The following RANBP17 variants were observed in gnomAD, a reference collection of about 807,000 sequenced individuals.
The protein encoded by RANBP17 is ran-binding protein 17.
A neutral mutation model predicts 141.2 loss-of-function variants in RANBP17; 158 were observed. The observed-to-expected ratio is 1.12, with a 90% CI of 0.98 to 1.28. RANBP17 has a LOEUF of 1.28. Ranked by LOEUF, RANBP17 falls within the 50% of genes most tolerant of loss-of-function variation. RANBP17 has a pLI of 0.00. For missense variants in RANBP17, 1,438 were observed against 1,290.7 expected (o/e 1.11, Z -1.75); for synonymous variants, 430 against 450.0 (o/e 0.96, Z 0.56).
chr5:171,066,284 A>C (rs1784308452), intron 14 of RANBP17, among the ~76,000 whole-genome samples: 1 of 151,978 alleles, frequency 6.6e-6, no homozygotes, highest in South Asian at 2.1e-4. Context: ...CTCCTATCCC[A>C]CTGGAATTTT....
chr5:170,890,785 G>A (rs1455187218), intron 3 of RANBP17, among the ~76,000 whole-genome samples: 1 of 152,056 alleles, frequency 6.6e-6, no homozygotes, highest in African/African-American at 2.4e-5. Context: ...AACAGTTTTG[G>A]TGTATTAACT....
chr5:171,231,470 A>G (rs1160297280), intron 22 of RANBP17, among the ~76,000 whole-genome samples: 1 of 152,164 alleles, frequency 6.6e-6, no homozygotes, highest in Non-Finnish European at 1.5e-5. Flanking sequence ...GCCATCTTCA[A>G]TATAGTTTTC....
chr5:170,963,223 C>A (rs1409363534), intron 13 of RANBP17, among the ~76,000 whole-genome samples: 1 of 152,034 alleles, frequency 6.6e-6, no homozygotes, highest in Non-Finnish European at 1.5e-5. Context: ...TAATGGTGAA[C>A]AAAAGATAGT....
intron 14 of RANBP17, among the ~76,000 whole-genome samples, chr5:171,093,284 A>G (rs1228322733): frequency 1.4e-4 from 21 of 151,970 alleles, no homozygotes; most frequent in Admixed American, 1.4e-3. Context: ...TTTCTTGTGG[A>G]CTGTAAGCTA....
intron 14 of RANBP17, among the ~76,000 whole-genome samples, chr5:171,060,593 A>G (rs1025079536): frequency 1.3e-5 from 2 of 152,158 alleles, no homozygotes; most frequent in Non-Finnish European, 2.9e-5. Flanking sequence ...TTTTGTATCA[A>G]TGTTCATCAA....
intron 14 of RANBP17, among the ~76,000 whole-genome samples, chr5:171,041,928 G>A (rs1474682341): frequency 4.0e-5 from 6 of 151,676 alleles, no homozygotes. Context: ...GGTATGCATC[G>A]TTCTCCTCCC....
At chr5:170,904,098 G>A (rs1410579109) in intron 5 of RANBP17, 7 of 411,666 alleles carry the variant, frequency 1.7e-5, no homozygotes, top group Non-Finnish European at 2.4e-5. Flanking sequence ...TAGAGGAAAT[G>A]TACAGATTTT....
intron 14 of RANBP17, among the ~76,000 whole-genome samples, chr5:171,139,973 AC>A (rs1757582337): frequency 6.6e-6 from 1 of 151,998 alleles, no homozygotes; most frequent in Admixed American, 6.6e-5. Flanking sequence ...CTTCTTTAAG[AC>A]CCTCAGCAGC....
At chr5:170,918,997 A>T in intron 10 of RANBP17, 138 bp downstream of exon 10, 1 of 437,986 alleles carries the variant, frequency 2.3e-6, no homozygotes, top group Non-Finnish European at 3.8e-6. Flanking sequence ...GTTTTAGGTA[A>T]AAAAATTCAT....
intron 14 of RANBP17, among the ~76,000 whole-genome samples, chr5:170,983,660 G>C (rs968591789): frequency 6.6e-6 from 1 of 152,178 alleles, no homozygotes; most frequent in African/African-American, 2.4e-5. Context: ...GTATGTCAGA[G>C]GATGGCAGTT....
intron 3 of RANBP17, among the ~76,000 whole-genome samples, chr5:170,887,926 A>G (rs1006345768): frequency 6.6e-6 from 1 of 152,170 alleles, no homozygotes; most frequent in African/African-American, 2.4e-5. Context: ...CATATGGGCA[A>G]AGCACTCTTG....
chr5:171,032,609 C>G (rs780898208), intron 14 of RANBP17, among the ~76,000 whole-genome samples: 109 of 152,058 alleles, frequency 7.2e-4, no homozygotes, highest in Admixed American at 4.6e-4. Context: ...GTAACATGTG[C>G]ATGACTTAAT....
At position 170,963,506 on chromosome 5, in the gene RANBP17, G is replaced by C. The variant is rs555084876; in HGVS notation, c.1575-4736G>C. Reference sequence around the variant, plus strand: ...AACATTATAAAGCAGTAGGCCCCAGGGACTGGTTTAGTAGAAGATGGTTTT... The same window carrying C: ...AACATTATAAAGCAGTAGGCCCCAGCGACTGGTTTAGTAGAAGATGGTTTT... On this transcript the variant is annotated intron_variant, in intron 13 of 27. Coordinates refer to ENST00000523189, the MANE Select transcript of RANBP17 (RefSeq NM_022897.5). Among the ~76,000 whole-genome samples the C allele has an allele frequency of 3.6e-4, 55 of 152,310 alleles. 1 individual carries two copies. In the South Asian group the frequency reaches 0.011, roughly 30 times the overall value.
intron 14 of RANBP17, among the ~76,000 whole-genome samples, chr5:171,134,171 C>T (rs919439620): frequency 1.3e-5 from 2 of 152,162 alleles, no homozygotes; most frequent in African/African-American, 4.8e-5. Context: ...GATGGATATA[C>T]ATTACCCAGT....
rs1257423544 is a variant in RANBP17 at position 171,213,645 on chromosome 5, T to G, written c.2246T>G (p.Leu749Arg). 6.2e-7 allele frequency: 1 copy of G among 1,613,346 alleles called. No homozygotes were observed. Among genetic ancestry groups the G allele is most frequent in the Admixed American group, 1.7e-5 (1 of 60,008 alleles). ...MLFDWMYPTYLPLLQNAVERW... is the reference protein window; with the variant it reads ...MLFDWMYPTYRPLLQNAVERW... ...CTTTATAAAAGGTACCCAACGTACC[T>G]TCCCCTTCTTCAGAATGCTGTTGAA... The change falls in exon 21 of 28, where the codon CTT (leucine) becomes CGT (arginine). Residue 749 changes from leucine (L) to arginine (R), a missense_variant. By Grantham distance (102) the Leu-to-Arg change is moderately radical. Coordinates refer to ENST00000523189, the MANE Select transcript of RANBP17 (RefSeq NM_022897.5).
chr5:171,184,461 TG>T (rs1204805862), intron 18 of RANBP17, among the ~76,000 whole-genome samples: 7 of 152,132 alleles, frequency 4.6e-5, no homozygotes, highest in Admixed American at 6.5e-5. Flanking sequence ...AGTAGAATGG[TG>T]GTTACTAAGA....
chr5:171,258,970 A>G (rs1766107565), intron 24 of RANBP17, among the ~76,000 whole-genome samples: 1 of 152,230 alleles, frequency 6.6e-6, no homozygotes, highest in Non-Finnish European at 1.5e-5. Context: ...TTTATAAACT[A>G]TTCATCTAAC....
intron 16 of RANBP17, among the ~76,000 whole-genome samples, chr5:171,178,669 C>A (rs1366291121): frequency 6.6e-6 from 1 of 152,190 alleles, no homozygotes; most frequent in Non-Finnish European, 1.5e-5. Context: ...TCTCCACAGC[C>A]TTGCCAGCAT....
At chr5:170,967,968 A>C (rs1776707817) in intron 13 of RANBP17, among the ~76,000 whole-genome samples, 1 of 151,844 alleles carries the variant, frequency 6.6e-6, no homozygotes. Flanking sequence ...ATCAGTTTTT[A>C]GTAAAATAAT....
Sources: allele counts gnomAD v4.1 joint callset (sites outside exome capture counted in the v4.1 genomes callset), GRCh38; gene constraint gnomAD v4.1.1; transcripts MANE v1.5; gene names NCBI Gene and HGNC (gene_info 2026-07-23, HGNC 2026-07-21).